PARD3: variants seen among roughly 807,000 people sequenced by gnomAD.
PARD3 encodes partitioning defective 3 homolog.
In PARD3, 75 loss-of-function variants were observed where a neutral mutation model predicts 155.4. The observed-to-expected ratio is 0.48, with a 90% CI of 0.40 to 0.58. PARD3 has a LOEUF of 0.58. Ranked by LOEUF, PARD3 falls within the 20% of genes least tolerant of loss-of-function variation. PARD3 has a pLI of 0.00. For missense variants in PARD3, 1,642 were observed against 1,721.7 expected (o/e 0.95, Z 0.82); for synonymous variants, 576 against 610.5 (o/e 0.94, Z 0.83).
At chr10:34,187,540 A>G (rs531170682) in intron 22 of PARD3, among the ~76,000 whole-genome samples, 3 of 152,332 alleles carry the variant, frequency 2.0e-5, no homozygotes, top group African/African-American at 7.2e-5. Flanking sequence ...AAAAGGGAAA[A>G]ACAACAAATT....
intron 1 of PARD3, among the ~76,000 whole-genome samples, chr10:34,811,436 C>G (rs955661307): frequency 6.6e-6 from 1 of 152,322 alleles, no homozygotes; most frequent in East Asian, 1.9e-4. Flanking sequence ...CAGAGCCCAT[C>G]TGCCCCTGCA....
chr10:34,465,572 T>TA (rs998038678), intron 4 of PARD3, among the ~76,000 whole-genome samples: 12 of 152,262 alleles, frequency 7.9e-5, no homozygotes, highest in Middle Eastern at 6.8e-3. Context: ...GGTCTCCATT[T>TA]AAAAAATCAA....
chr10:34,717,814 G>A lies in PARD3; in HGVS notation c.121-21395C>T, dbSNP rs1408565745. The stretch of plus-strand genomic sequence containing the variant: ...AATAATTGTGTTATGCAATAACAGC[G>A]GTACAGCCAAATCTATAATAAAACC... On this transcript the variant is annotated intron_variant, in intron 1 of 24. Coordinates refer to ENST00000374788, the MANE Select transcript of PARD3 (RefSeq NM_001184785.2). 3.3e-5 allele frequency among the ~76,000 whole-genome samples: 5 copies of A among 152,210 alleles called. No homozygotes were observed. In the East Asian group the frequency reaches 7.7e-4, roughly 24 times the overall value.
At chr10:34,317,686 T>G (rs1306666405) in intron 19 of PARD3, among the ~76,000 whole-genome samples, 1 of 152,200 alleles carries the variant, frequency 6.6e-6, no homozygotes, top group Non-Finnish European at 1.5e-5. Flanking sequence ...GGGTCCCGTG[T>G]ACTATATTTG....
intron 22 of PARD3, among the ~76,000 whole-genome samples, chr10:34,240,772 G>A (rs1953534810): frequency 6.6e-6 from 1 of 152,078 alleles, no homozygotes; most frequent in Admixed American, 6.6e-5. Flanking sequence ...TCCAGAGCAA[G>A]ATTTTCTGAG....
chr10:34,607,294 G>T (rs907683137), intron 2 of PARD3, among the ~76,000 whole-genome samples: 3 of 152,096 alleles, frequency 2.0e-5, no homozygotes, highest in Non-Finnish European at 2.9e-5. Context: ...ACCCTCCAGG[G>T]TACACACAAA....
At chr10:34,147,441 T>G (rs1211978090) in intron 22 of PARD3, among the ~76,000 whole-genome samples, 3 of 151,358 alleles carry the variant, frequency 2.0e-5, no homozygotes, top group Middle Eastern at 3.4e-3. Context: ...ACTTTTTTTC[T>G]CTCAATTTCA....
At chr10:34,728,199 T>C (rs1352878640) in intron 1 of PARD3, among the ~76,000 whole-genome samples, 1 of 152,192 alleles carries the variant, frequency 6.6e-6, no homozygotes, top group Non-Finnish European at 1.5e-5. Context: ...TTACCATATG[T>C]AATAAAATAC....
intron 4 of PARD3, among the ~76,000 whole-genome samples, chr10:34,459,334 T>A (rs1423363537): frequency 7.2e-6 from 1 of 138,930 alleles, no homozygotes; most frequent in Non-Finnish European, 1.5e-5. Flanking sequence ...GCCCAGCTAA[T>A]TTTTTTTTTT....
chr10:34,696,787 G>T (rs1215038646), intron 1 of PARD3, among the ~76,000 whole-genome samples: 1 of 150,980 alleles, frequency 6.6e-6, no homozygotes, highest in Non-Finnish European at 1.5e-5. Context: ...GCAATCTACA[G>T]AAATATTCTA....
chr10:34,261,797 GAAAGAAAGAAAGAAA>G (rs1564528311), intron 22 of PARD3, among the ~76,000 whole-genome samples: 1 of 57,372 alleles, frequency 1.7e-5, no homozygotes, highest in East Asian at 4.5e-4. Context: ...AAGAAAGAAA[GAAAGAAAGAAAGAAA>G]GAAAGAAAGA....
chr10:34,685,890 G>A lies in PARD3; in HGVS notation c.222+10428C>T, dbSNP rs574312666. 3.2e-4 allele frequency among the ~76,000 whole-genome samples: 48 copies of A among 152,112 alleles called. 1 individual carries two copies. Among genetic ancestry groups the A allele is most frequent in the Middle Eastern group, 6.8e-3 (2 of 294 alleles). Reference sequence around the variant, plus strand: ...ATTACAGAGGTGAGCCACCATGCCCGGCCTTTCTGCAATCATTTTAAAATT... The same window carrying A: ...ATTACAGAGGTGAGCCACCATGCCCAGCCTTTCTGCAATCATTTTAAAATT... On this transcript the variant is annotated intron_variant, in intron 2 of 24. Coordinates refer to ENST00000374788, the MANE Select transcript of PARD3 (RefSeq NM_001184785.2).
intron 1 of PARD3, among the ~76,000 whole-genome samples, chr10:34,733,914 T>A (rs368830819): frequency 1.3e-5 from 2 of 151,450 alleles, no homozygotes; most frequent in East Asian, 3.9e-4. Context: ...AAGAAGAGAG[T>A]AAATTATGCT....
At chr10:34,641,036 TA>T (rs1215231493) in intron 2 of PARD3, among the ~76,000 whole-genome samples, 12 of 152,106 alleles carry the variant, frequency 7.9e-5, no homozygotes, top group African/African-American at 2.4e-4. Flanking sequence ...TATACCTTAG[TA>T]GATTTGTTTA....
At chr10:34,217,449 A>T (rs1952055799) in intron 22 of PARD3, among the ~76,000 whole-genome samples, 1 of 152,168 alleles carries the variant, frequency 6.6e-6, no homozygotes, top group African/African-American at 2.4e-5. Flanking sequence ...GCTTTTGGAA[A>T]GGCTAATTCA....
At chr10:34,572,196 C>G (rs1401800097) in intron 2 of PARD3, among the ~76,000 whole-genome samples, 1 of 151,972 alleles carries the variant, frequency 6.6e-6, no homozygotes, top group Middle Eastern at 3.2e-3. Context: ...GAAATTATTC[C>G]AAGATTGTGA....
chr10:34,704,148 T>G (rs1418916300), intron 1 of PARD3, among the ~76,000 whole-genome samples: 3 of 152,160 alleles, frequency 2.0e-5, no homozygotes, highest in Non-Finnish European at 4.4e-5. Flanking sequence ...CTCTTCAAAA[T>G]GGCACTGAAA....
chr10:34,509,026 ACT>A (rs1273411729), intron 3 of PARD3, among the ~76,000 whole-genome samples: 3 of 152,064 alleles, frequency 2.0e-5, no homozygotes, highest in African/African-American at 4.8e-5. Context: ...AGATGGTGTG[ACT>A]CTCTTTCCTG....
chr10:34,315,468 T>C (rs188838553), intron 20 of PARD3, among the ~76,000 whole-genome samples: 17 of 152,326 alleles, frequency 1.1e-4, no homozygotes, highest in African/African-American at 3.8e-4. Flanking sequence ...AACAAGCCGT[T>C]AGAGCTTTCA....
Sources: allele counts gnomAD v4.1 joint callset (sites outside exome capture counted in the v4.1 genomes callset), GRCh38; gene constraint gnomAD v4.1.1; transcripts MANE v1.5; gene names NCBI Gene and HGNC (gene_info 2026-07-23, HGNC 2026-07-21).